The following DNAH10 variants were observed in gnomAD, a reference collection of about 807,000 sequenced individuals.
DNAH10 encodes axonemal beta dynein heavy chain 10.
In DNAH10, 348 loss-of-function variants were observed where a neutral mutation model predicts 506.6. The ratio of observed to expected loss-of-function variants is 0.69; its 90% CI spans 0.63 to 0.75. The LOEUF is 0.75. DNAH10 is among the 30% of genes least tolerant of loss of function. The probability of loss-of-function intolerance (pLI) is 0.00; values close to 1 mark genes in which losing one functional copy is unlikely to be tolerated. For missense variants in DNAH10, 5,179 were observed against 5,787.1 expected (o/e 0.89, Z 3.41); for synonymous variants, 2,059 against 2,198.6 (o/e 0.94, Z 1.78).
intron 19 of DNAH10, among the ~76,000 whole-genome samples, chr12:123,810,818 C>T (rs563291198): frequency 6.6e-6 from 1 of 152,104 alleles, no homozygotes; most frequent in Admixed American, 6.5e-5. Context: ...TGTATGTTTC[C>T]TTTGTAAGGG....
At chr12:123,855,648 A>AT (rs1489830651) in intron 36 of DNAH10, among the ~76,000 whole-genome samples, 24 of 149,112 alleles carry the variant, frequency 1.6e-4, no homozygotes, top group East Asian at 1.2e-3. Context: ...AAAAAAAAAA[A>AT]ATAATAATAA....
intron 26 of DNAH10, among the ~76,000 whole-genome samples, chr12:123,832,866 C>A (rs1310133013): frequency 1.3e-5 from 2 of 152,128 alleles, no homozygotes; most frequent in Non-Finnish European, 2.9e-5. Flanking sequence ...ATAATCCCTA[C>A]CAATATACTT....
In DNAH10 at chr12:123,819,392, A is replaced by G. The variant is rs564686930; in HGVS notation, c.4000+142A>G. Reference sequence around the variant, plus strand: ...TCCTCAAATACTTTTTTCTTGGCTCATTTTAGTGGTCACATTAAAAAAAAA... The same window carrying G: ...TCCTCAAATACTTTTTTCTTGGCTCGTTTTAGTGGTCACATTAAAAAAAAA... On this transcript the variant is annotated intron_variant, in intron 23 of 78. Coordinates refer to ENST00000673944, the MANE Select transcript of DNAH10 (RefSeq NM_001372106.1). 3 of 668,352 alleles carry G rather than the reference A, an allele frequency of 4.5e-6. No individual in the cohort carries two copies. The South Asian group carries it at 6.2e-5, about 14-fold the overall frequency. 41.4% of individuals were successfully genotyped at this position (668,352 alleles called of 1,614,324 possible).
intron 77 of DNAH10, 181 bp from the exon 78 acceptor site, chr12:123,934,440 T>C: frequency 1.3e-6 from 1 of 775,982 alleles, no homozygotes; most frequent in Non-Finnish European, 2.2e-6. Context: ...TCTGGGCTGC[T>C]CCTCCACAGA....
chr12:123,885,265 A>AT (rs1394863033), intron 51 of DNAH10, among the ~76,000 whole-genome samples: 1 of 152,154 alleles, frequency 6.6e-6, no homozygotes, highest in Non-Finnish European at 1.5e-5. Flanking sequence ...AACTTATGTC[A>AT]TTTTTCCCCA....
At chr12:123,932,168 A>G (rs1955246053) in intron 76 of DNAH10, 60 bp downstream of exon 76, 4 of 1,594,682 alleles carry the variant, frequency 2.5e-6, no homozygotes, top group Non-Finnish European at 1.7e-6. Flanking sequence ...GACTCCTCAA[A>G]CCACCTCCCA....
Position 123,931,865 on chromosome 12 carries a change from G to A in DNAH10, c.13128+18G>A, listed in dbSNP as rs780589229. On this transcript the variant is annotated intron_variant, in intron 75 of 78. Coordinates refer to ENST00000673944, the MANE Select transcript of DNAH10 (RefSeq NM_001372106.1). ...TTCAAAGGGTGAGCCTGTCTCTCAT[G>A]TGCAGATTACTGCCTAGATACGTGG... is the stretch of plus-strand genomic sequence containing the variant. 4.3e-6 allele frequency: 7 copies of A among 1,613,556 alleles called. No individual in the cohort carries two copies. The highest frequency in any genetic ancestry group is 2.2e-5 in the East Asian group (1 of 44,870).
intron 52 of DNAH10, among the ~76,000 whole-genome samples, chr12:123,888,320 A>G (rs187785182): frequency 6.6e-6 from 1 of 152,368 alleles, no homozygotes; most frequent in East Asian, 1.9e-4. Context: ...AGAGGGCTGA[A>G]TGGCGGCCCT....
At chr12:123,862,952 A>C (rs1951668281) in intron 39 of DNAH10, among the ~76,000 whole-genome samples, 1 of 152,170 alleles carries the variant, frequency 6.6e-6, no homozygotes, top group East Asian at 1.9e-4. Context: ...CGAATGTGGC[A>C]AAAAAACGTA....
At position 123,864,658 on chromosome 12, in the gene DNAH10, T is replaced by A. The variant is rs763742373; in HGVS notation, c.6972T>A (p.Asp2324Glu). The change falls in exon 40 of 79, where the codon GAT becomes GAA. Residue 2324 changes from aspartate to glutamate, a missense_variant. Asp to Glu is a conservative substitution (Grantham distance 45, BLOSUM62 2). Around this residue, in one of 3 missense-constraint regions of DNAH10, gnomAD observed 4,844 missense variants for 5,430.5 expected, o/e 0.89. Transcript: ENST00000673944. ...TGGAAAACATGAATTCTGTGATGGA[T>A]GACAACAGGTTGTTGACATTGGCCA... Reference protein sequence around the residue: ...LWVENMNSVMDDNRLLTLANG... With the variant: ...LWVENMNSVMEDNRLLTLANG... 6.2e-7 allele frequency: 1 copy of A among 1,614,046 alleles called. No individual in the cohort carries two copies.
At position 123,926,653 on chromosome 12, in the gene DNAH10, A is replaced by C; in HGVS notation, c.11938A>C (p.Met3980Leu). Residue 3980 changes from methionine to leucine, a missense_variant, in exon 69 of 79, where the codon ATG becomes CTG. This residue lies in a region of DNAH10 where 4,844 missense variants were observed against 5,430.5 expected (regional missense o/e 0.89). Coordinates refer to ENST00000673944, the MANE Select transcript of DNAH10 (RefSeq NM_001372106.1). This position sits in a 1 kb window ranked among gnomAD's most constrained non-coding sequence, Gnocchi z 4.1. Reference protein sequence around the residue: ...TMGEKYVQPPMISFEAIFEQS... With the variant: ...TMGEKYVQPPLISFEAIFEQS... ...TTTCACCAGGTATGTGCAGCCCCCA[A>C]TGATCAGCTTTGAAGCTATTTTTGA... 1 of 1,613,504 alleles carries C rather than the reference A, an allele frequency of 6.2e-7. No individual in the cohort carries two copies. The highest frequency in any genetic ancestry group is 8.5e-7 in the Non-Finnish European group (1 of 1,179,688).
At chr12:123,797,301 G>A (rs1309970283) in intron 13 of DNAH10, among the ~76,000 whole-genome samples, 1 of 152,214 alleles carries the variant, frequency 6.6e-6, no homozygotes, top group African/African-American at 2.4e-5. Flanking sequence ...CTCAATTTCA[G>A]ACCCATGCCT....
chr12:123,779,765 T>C (rs1316739474), intron 5 of DNAH10, among the ~76,000 whole-genome samples: 2 of 152,150 alleles, frequency 1.3e-5, no homozygotes, highest in Admixed American at 6.5e-5. Context: ...AAAATTTGGA[T>C]TGGGCAGCTC....
At position 123,909,088 on chromosome 12, in the gene DNAH10, G is replaced by T. The variant is rs1953945014; in HGVS notation, c.9816-173G>T. On this transcript the variant is annotated intron_variant, in intron 57 of 78. Coordinates refer to ENST00000673944, the MANE Select transcript of DNAH10 (RefSeq NM_001372106.1). This position sits in a 1 kb window ranked among gnomAD's most constrained non-coding sequence, Gnocchi z 5.4. ...AGGGGGACCCGGCCCTGCCCTTAGGGACGCTCCCGCCCAGGAGTGCGGTTT... is the reference window on the plus strand; with the variant it reads ...AGGGGGACCCGGCCCTGCCCTTAGGTACGCTCCCGCCCAGGAGTGCGGTTT... Among the ~76,000 whole-genome samples, 1 of 152,162 alleles carries T rather than the reference G, an allele frequency of 6.6e-6. No individual in the cohort carries two copies. Among genetic ancestry groups the T allele is most frequent in the Non-Finnish European group, 1.5e-5 (1 of 68,024 alleles).
chr12:123,841,613 G>A, intron 30 of DNAH10, 68 bp downstream of exon 30: 2 of 1,469,256 alleles, frequency 1.4e-6, no homozygotes, highest in Non-Finnish European at 1.9e-6. Context: ...AATTTTAAAG[G>A]CTTGGAGTAG....
At chr12:123,786,427 C>A (rs142584568) in intron 9 of DNAH10, among the ~76,000 whole-genome samples, 1 of 149,908 alleles carries the variant, frequency 6.7e-6, no homozygotes, top group Non-Finnish European at 1.5e-5. Flanking sequence ...CAAAAGAAAA[C>A]GTGTGCCTTT....
chr12:123,891,777 C>G (rs1349733625), intron 52 of DNAH10, among the ~76,000 whole-genome samples: 1 of 152,180 alleles, frequency 6.6e-6, no homozygotes. Flanking sequence ...TCGCAGGACT[C>G]AGCATGTGGT....
rs1955452376 is a variant in DNAH10 at position 123,935,418 on chromosome 12, T to C, written c.13707T>C (p.Phe4569=). 1 of 1,610,908 alleles carries C rather than the reference T, an allele frequency of 6.2e-7. No individual in the cohort carries two copies. The highest frequency in any genetic ancestry group is 8.5e-7 in the Non-Finnish European group (1 of 1,177,312). Residue 4569 remains phenylalanine, a synonymous_variant, in exon 79 of 79, where the codon TTT becomes TTC. Transcript: ENST00000673944. The part of the protein sequence containing the change: ...GVGLVFEADL[F]TTRHISHWVL... ...GCTTGGTTTTTGAAGCTGATCTCTT[T>C]ACCACGAGGCACATTTCTCACTGGG...
Position 123,925,475 on chromosome 12 carries a change from A to G in DNAH10, c.11921+271A>G, listed in dbSNP as rs575392748. The G allele has an allele frequency of 1.9e-4, 67 of 346,406 alleles. No individual in the cohort carries two copies. Among genetic ancestry groups the G allele is most frequent in the Middle Eastern group, 1.6e-3 (2 of 1,270 alleles). The allele number at this position is 346,406 out of a possible 1,614,324, so 21.5% of individuals were successfully genotyped here. On this transcript the variant is annotated intron_variant, in intron 68 of 78. Transcript: ENST00000673944. This position sits in a 1 kb window ranked among gnomAD's most constrained non-coding sequence, Gnocchi z 4.0. ...AATGGGCGCAATTAATTGTAATAAC[A>G]TTTTATTTAAATGAATATATTAAAA... is the stretch of plus-strand genomic sequence containing the variant.
Sources: allele counts gnomAD v4.1 joint callset (sites outside exome capture counted in the v4.1 genomes callset), GRCh38; gene constraint gnomAD v4.1.1; regional missense constraint gnomAD v4.1.1; non-coding constraint Gnocchi (gnomAD v3.1); transcripts MANE v1.5; gene names NCBI Gene and HGNC (gene_info 2026-07-23, HGNC 2026-07-21).